GRM7: variants seen among roughly 807,000 people sequenced by gnomAD.
The protein encoded by GRM7 is metabotropic glutamate receptor 7.
GRM7 carries 35 observed loss-of-function variants against 84.5 expected under a neutral mutation model. The ratio of observed to expected loss-of-function variants is 0.41; its 90% CI spans 0.32 to 0.55. The LOEUF is 0.55. Among genes scored for constraint, GRM7 ranks in the 20% least tolerant of loss-of-function variants. The pLI is 0.19. For missense variants in GRM7, 1,003 were observed against 1,194.6 expected, an observed-to-expected ratio of 0.84 and a Z score of 2.36; for synonymous variants, 487 against 455.1, an observed-to-expected ratio of 1.07 and a Z score of -0.89.
intron 7 of GRM7, among the ~76,000 whole-genome samples, chr3:7,537,748 A>T (rs1692632553): frequency 6.6e-6 from 1 of 152,186 alleles, no homozygotes; most frequent in South Asian, 2.1e-4. Flanking sequence ...AGGGAAGGTG[A>T]CCCAGGAACT....
At chr3:7,667,550 ATAAT>A (rs1012409044) in intron 8 of GRM7, among the ~76,000 whole-genome samples, 2 of 152,184 alleles carry the variant, frequency 1.3e-5, no homozygotes, top group African/African-American at 4.8e-5. Context: ...CAATTTTTTA[ATAAT>A]TATATCAAAG....
intron 4 of GRM7, among the ~76,000 whole-genome samples, chr3:7,337,564 GA>G (rs1227672049): frequency 6.6e-6 from 1 of 150,814 alleles, no homozygotes; most frequent in East Asian, 1.9e-4. Flanking sequence ...AAATCAACAG[GA>G]AAAAAATAAT....
In GRM7 at chr3:7,240,344, GT is replaced by G. The variant is rs148089582; in HGVS notation, c.737-58330del. Among the ~76,000 whole-genome samples the G allele has an allele frequency of 1.0e-4, 15 of 145,716 alleles. 1 individual carries two copies. The South Asian group carries it at 1.1e-3, about 11-fold the overall frequency. On this transcript the variant is annotated intron_variant, in intron 2 of 9. Transcript: ENST00000357716. The stretch of plus-strand genomic sequence containing the variant: ...GGACATGAACTCATGGCCTGGAATT[GT>G]TTTTTTTTTAATCAGAAATCTCCTA...
chr3:7,601,921 A>C (rs1304965961), intron 8 of GRM7, among the ~76,000 whole-genome samples: 1 of 152,020 alleles, frequency 6.6e-6, no homozygotes, highest in Non-Finnish European at 1.5e-5. Flanking sequence ...GATAGGACTA[A>C]TCAATCAGTG....
chr3:7,310,120 G>A (rs1428432706), intron 4 of GRM7, among the ~76,000 whole-genome samples: 3 of 152,072 alleles, frequency 2.0e-5, no homozygotes, highest in African/African-American at 7.2e-5. Flanking sequence ...GGCTGTCCTA[G>A]GCATCCTCTA....
At chr3:7,507,624 C>A (rs1700077790) in intron 7 of GRM7, among the ~76,000 whole-genome samples, 1 of 152,184 alleles carries the variant, frequency 6.6e-6, no homozygotes, top group African/African-American at 2.4e-5. Context: ...TATAGTTCTA[C>A]TAACTTTTGA....
At chr3:7,337,871 G>A (rs1021418240) in intron 4 of GRM7, among the ~76,000 whole-genome samples, 1 of 151,878 alleles carries the variant, frequency 6.6e-6, no homozygotes, top group Non-Finnish European at 1.5e-5. Flanking sequence ...ACTAAGAATA[G>A]AACTGCCATT....
chr3:7,264,022 G>C (rs1559537607), intron 2 of GRM7, among the ~76,000 whole-genome samples: 1 of 152,036 alleles, frequency 6.6e-6, no homozygotes, highest in Non-Finnish European at 1.5e-5. Context: ...GTCTGTAGGG[G>C]CTGCTCTACT....
At chr3:7,459,408 T>A (rs1478608885) in intron 6 of GRM7, among the ~76,000 whole-genome samples, 1 of 152,120 alleles carries the variant, frequency 6.6e-6, no homozygotes, top group Non-Finnish European at 1.5e-5. Flanking sequence ...TCAGGGCATG[T>A]ATTAATCCAT....
intron 2 of GRM7, among the ~76,000 whole-genome samples, chr3:7,263,569 C>A (rs1325960187): frequency 1.3e-5 from 2 of 152,184 alleles, no homozygotes; most frequent in Admixed American, 1.3e-4. Flanking sequence ...AGCTACTGTG[C>A]ATGGTCATGT....
intron 7 of GRM7, among the ~76,000 whole-genome samples, chr3:7,502,164 C>G (rs1699904551): frequency 1.3e-5 from 2 of 152,096 alleles, no homozygotes; most frequent in Non-Finnish European, 2.9e-5. Flanking sequence ...TCTTGCAGAG[C>G]AGAGGGTGAA....
Position 7,026,045 on chromosome 3 carries a change from A to G in GRM7, c.520-120407A>G, listed in dbSNP as rs189687951. ...GACAATGACTCAATTGCAGCTTCTTAGAGCCAATCACCTAATTTATATCCT... is the reference window on the plus strand; with the variant it reads ...GACAATGACTCAATTGCAGCTTCTTGGAGCCAATCACCTAATTTATATCCT... On this transcript the variant is annotated intron_variant, in intron 1 of 9. Transcript: ENST00000357716. Among the ~76,000 whole-genome samples the G allele has an allele frequency of 5.5e-4, 84 of 152,340 alleles. No individual in the cohort carries two copies. In the East Asian group the frequency reaches 0.014, roughly 26 times the overall value.
intron 2 of GRM7, among the ~76,000 whole-genome samples, chr3:7,160,612 C>G (rs769266632): frequency 6.6e-6 from 1 of 152,154 alleles, no homozygotes; most frequent in Non-Finnish European, 1.5e-5. Context: ...CTTGCCTTCA[C>G]CTTGCTTAAG....
intron 7 of GRM7, among the ~76,000 whole-genome samples, chr3:7,541,722 G>T (rs1222199238): frequency 6.6e-6 from 1 of 152,112 alleles, no homozygotes; most frequent in Non-Finnish European, 1.5e-5. Flanking sequence ...TGGCTGCCTT[G>T]GCTTGCCTTC....
In GRM7 at chr3:6,983,477, AT is replaced by A. The variant is rs146706766; in HGVS notation, c.519+121578del. On this transcript the variant is annotated intron_variant, in intron 1 of 9. Coordinates refer to ENST00000357716, the MANE Select transcript of GRM7 (RefSeq NM_000844.4). ...CTTAATGATTTCAGGAAGTTAATTG[AT>A]TTTTTTTAAGGGTCAGAAAGGGATA... Among the ~76,000 whole-genome samples, 1,362 of 151,980 alleles carry A rather than the reference AT, an allele frequency of 9.0e-3. 19 individuals carry two copies. Among genetic ancestry groups the A allele is most frequent in the African/African-American group, 0.028 (1,152 of 41,456 alleles).
intron 7 of GRM7, among the ~76,000 whole-genome samples, chr3:7,533,639 A>G (rs1024185758): frequency 2.6e-5 from 4 of 152,186 alleles, no homozygotes; most frequent in African/African-American, 7.2e-5. Flanking sequence ...GGAAACCCCA[A>G]TCCTGAAGGA....
chr3:7,240,096 A>C (rs1418332013), intron 2 of GRM7, among the ~76,000 whole-genome samples: 1 of 142,296 alleles, frequency 7.0e-6, no homozygotes, highest in Non-Finnish European at 1.5e-5. Context: ...AGTAAGGAGT[A>C]CCAGTAATCT....
At chr3:7,409,679 C>T (rs1274583564) in intron 4 of GRM7, among the ~76,000 whole-genome samples, 1 of 152,176 alleles carries the variant, frequency 6.6e-6, no homozygotes, top group Non-Finnish European at 1.5e-5. Context: ...TGGCTCACTG[C>T]AACCTCTGCC....
intron 4 of GRM7, among the ~76,000 whole-genome samples, chr3:7,322,377 T>G (rs907577033): frequency 6.6e-6 from 1 of 152,076 alleles, no homozygotes; most frequent in Non-Finnish European, 1.5e-5. Flanking sequence ...CACCTTTTTG[T>G]TTTTTTAAAC....
Sources: allele counts gnomAD v4.1 joint callset (sites outside exome capture counted in the v4.1 genomes callset), GRCh38; gene constraint gnomAD v4.1.1; transcripts MANE v1.5; gene names NCBI Gene and HGNC (gene_info 2026-07-23, HGNC 2026-07-21).